The following PHLDB2 variants were observed in gnomAD, a reference collection of about 807,000 sequenced individuals.
PHLDB2 encodes pleckstrin homology-like domain family B member 2.
PHLDB2 carries 71 observed loss-of-function variants against 123.6 expected under a neutral mutation model. The observed-to-expected ratio is 0.57, with a 90% CI of 0.47 to 0.70. The LOEUF is 0.70. PHLDB2 is among the 30% of genes least tolerant of loss of function. PHLDB2 has a pLI of 0.00. For missense variants in PHLDB2, 1,446 were observed against 1,519.5 expected (o/e 0.95, Z 0.80); for synonymous variants, 547 against 541.6 (o/e 1.01, Z -0.14).
intron 8 of PHLDB2, among the ~76,000 whole-genome samples, chr3:111,943,419 G>T (rs2070050329): frequency 6.6e-6 from 1 of 151,348 alleles, no homozygotes; most frequent in East Asian, 1.9e-4. Context: ...AAATGATAAA[G>T]CTTCCAGAAC....
At chr3:111,948,601 A>G (rs112229388) in intron 9 of PHLDB2, among the ~76,000 whole-genome samples, 20 of 152,326 alleles carry the variant, frequency 1.3e-4, no homozygotes, top group African/African-American at 4.8e-4. Context: ...ATTACTTTAA[A>G]TGTATATGTT....
At chr3:111,945,211 C>A (rs1216119853) in intron 8 of PHLDB2, 57 bp from the exon 9 acceptor site, 4 of 1,148,496 alleles carry the variant, frequency 3.5e-6, no homozygotes, top group African/African-American at 1.6e-5. Flanking sequence ...AGTCACCATG[C>A]TTCTCAGTTG....
At chr3:111,956,041 A>C (rs2071036112) in intron 12 of PHLDB2, among the ~76,000 whole-genome samples, 1 of 152,138 alleles carries the variant, frequency 6.6e-6, no homozygotes, top group African/African-American at 2.4e-5. Context: ...CAAGTAATTT[A>C]AAAATTAGCC....
chr3:111,915,882 G>A (rs747918228), intron 3 of PHLDB2: 1 of 152,274 alleles, frequency 6.6e-6, no homozygotes, highest in African/African-American at 2.4e-5. Flanking sequence ...ATCAAAAGTT[G>A]TTGTTCAGGC....
intron 2 of PHLDB2, among the ~76,000 whole-genome samples, chr3:111,898,567 A>G (rs142570236): frequency 9.1e-4 from 138 of 152,332 alleles, no homozygotes; most frequent in Middle Eastern, 3.4e-3. Flanking sequence ...TGCAGCATGC[A>G]ACGCTGTTTG....
In PHLDB2 at chr3:111,884,090, A is replaced by G. The variant is rs1205320518; in HGVS notation, c.13A>G (p.Ser5Gly). Residue 5 changes from serine to glycine, a missense_variant, in exon 2 of 18, where the codon AGC becomes GGC. Transcript: ENST00000431670. ...TTCCAGCAAGATTATGGAAGAGCAT[A>G]GCTACATACAAAAGGAGCTAGATTT... MEEHSYIQKELDLQN... is the reference protein window; with the variant it reads MEEHGYIQKELDLQN... The G allele has an allele frequency of 6.2e-7, 1 of 1,612,990 alleles. No individual in the cohort carries two copies. Among genetic ancestry groups the G allele is most frequent in the Non-Finnish European group, 8.5e-7 (1 of 1,179,720 alleles).
intron 2 of PHLDB2, among the ~76,000 whole-genome samples, chr3:111,905,243 T>G (rs2067441458): frequency 6.6e-6 from 1 of 152,220 alleles, no homozygotes; most frequent in South Asian, 2.1e-4. Context: ...GTTCTGGGGA[T>G]AGGTGGGAAT....
At chr3:111,732,670 A>C (rs1425364695) in exon 1 of PHLDB2, 1 of 1,535,768 alleles carries the variant, frequency 6.5e-7, no homozygotes, top group African/African-American at 1.4e-5. Flanking sequence ...AAAGAAGCTG[A>C]GGGAAGAGTC....
intron 1 of PHLDB2, among the ~76,000 whole-genome samples, chr3:111,808,579 G>T (rs2061700610): frequency 6.6e-6 from 1 of 151,828 alleles, no homozygotes; most frequent in Non-Finnish European, 1.5e-5. Flanking sequence ...GCTGGGGTCT[G>T]GGACATGGAT....
At chr3:111,883,996 G>A (rs2107331100) in intron 1 of PHLDB2, 68 bp from the exon 2 acceptor site, 2 of 1,401,600 alleles carry the variant, frequency 1.4e-6, no homozygotes, top group Non-Finnish European at 1.9e-6. Context: ...TTCAGATGTA[G>A]GCCTAACAAG....
chr3:111,782,814 A>C (rs769954268), intron 1 of PHLDB2, among the ~76,000 whole-genome samples: 6 of 152,114 alleles, frequency 3.9e-5, no homozygotes, highest in Non-Finnish European at 7.4e-5. Flanking sequence ...TGAGGTGATA[A>C]ATAGAGCTTT....
chr3:111,802,707 GT>G (rs1307002712), intron 1 of PHLDB2, among the ~76,000 whole-genome samples: 1 of 152,124 alleles, frequency 6.6e-6, no homozygotes, highest in African/African-American at 2.4e-5. Context: ...ACTTACATTC[GT>G]TACAGCAGAG....
chr3:111,938,614 G>T (rs186200743), intron 6 of PHLDB2, among the ~76,000 whole-genome samples: 90 of 152,120 alleles, frequency 5.9e-4, no homozygotes, highest in Admixed American at 5.9e-4. Context: ...GAGTATGAAA[G>T]GGGTCTAATT....
At chr3:111,942,341 T>C (rs902619962) in intron 8 of PHLDB2, among the ~76,000 whole-genome samples, 7 of 152,232 alleles carry the variant, frequency 4.6e-5, no homozygotes, top group African/African-American at 1.7e-4. Flanking sequence ...GATGCTAAAA[T>C]TTACAGTTGA....
upstream of PHLDB2, among the ~76,000 whole-genome samples, chr3:111,857,646 G>T (rs1246813956): frequency 6.6e-6 from 1 of 152,024 alleles, no homozygotes; most frequent in Non-Finnish European, 1.5e-5. Flanking sequence ...CAAAAACTCA[G>T]GACAGGGAAA....
chr3:111,941,284 C>T (rs1387321718), intron 8 of PHLDB2, among the ~76,000 whole-genome samples: 1 of 152,086 alleles, frequency 6.6e-6, no homozygotes, highest in Middle Eastern at 3.2e-3. Flanking sequence ...CTGACATGAC[C>T]CCGGTATCAT....
intron 13 of PHLDB2, 23 bp downstream of exon 13, chr3:111,962,335 G>T (rs1006964236): frequency 3.1e-5 from 50 of 1,588,138 alleles, no homozygotes; most frequent in Admixed American, 1.7e-4. Context: ...TATGGGTAAG[G>T]TTTCTGGTTT....
At chr3:111,890,311 A>G (rs572463344) in intron 2 of PHLDB2, among the ~76,000 whole-genome samples, 1 of 152,320 alleles carries the variant, frequency 6.6e-6, no homozygotes, top group South Asian at 2.1e-4. Context: ...AACAAAAGCT[A>G]AAGAGATTAG....
At chr3:111,917,160 T>C (rs980671672) in intron 3 of PHLDB2, 5 of 120,042 alleles carry the variant, frequency 4.2e-5, no homozygotes, top group Non-Finnish European at 1.0e-4. Flanking sequence ...TTCTTATAAA[T>C]AACTTAGAAA....
Sources: gnomAD v4.1 joint callset for allele counts (sites outside exome capture counted in the v4.1 genomes callset) on GRCh38, gnomAD v4.1.1 for gene constraint, MANE v1.5 for transcripts, NCBI Gene and HGNC (gene_info 2026-07-23, HGNC 2026-07-21) for gene names.